The following ADGRV1 variants were observed in gnomAD, a reference collection of about 807,000 sequenced individuals.
ADGRV1 encodes G-protein coupled receptor 98.
A neutral mutation model predicts 596.2 loss-of-function variants in ADGRV1; 359 were observed. The observed-to-expected ratio is 0.60, with a 90% CI of 0.55 to 0.66. The LOEUF (loss-of-function observed/expected upper bound fraction) is 0.66, where lower values mean the gene tolerates loss of function less well. Among genes scored for constraint, ADGRV1 ranks in the 30% least tolerant of loss-of-function variants. The pLI, the probability that ADGRV1 is intolerant of heterozygous loss-of-function variation, is 0.00. For synonymous variants in ADGRV1, 2,681 were observed against 2,679.2 expected (o/e 1.00, Z -0.02); for missense variants, 7,274 against 7,575.6 (o/e 0.96, Z 1.48).
At chr5:91,099,758 A>T (rs1791204175) in intron 86 of ADGRV1, among the ~76,000 whole-genome samples, 1 of 152,196 alleles carries the variant, frequency 6.6e-6, no homozygotes, top group Non-Finnish European at 1.5e-5. Flanking sequence ...AAATATGGAA[A>T]GGGAGAAAAC....
At position 90,896,255 on chromosome 5, in the gene ADGRV1, C is replaced by T. The variant is rs1006918424; in HGVS notation, c.17856+32398C>T. Among the ~76,000 whole-genome samples the T allele has an allele frequency of 5.7e-5, 8 of 140,542 alleles. No individual in the cohort carries two copies. In the South Asian group the frequency reaches 6.8e-4, roughly 12 times the overall value. The allele number at this position is 140,542 out of a possible 152,430, so 92.2% of individuals were successfully genotyped here. ...TTTAAAATAAATAAATCTGATATTA[C>T]GGTGACCAGTGGTTTTTTTTTTTTT... On this transcript the variant is annotated intron_variant, in intron 83 of 89. Transcript: ENST00000405460.
At chr5:91,036,984 G>A (rs1183563175) in intron 85 of ADGRV1, among the ~76,000 whole-genome samples, 2 of 152,176 alleles carry the variant, frequency 1.3e-5, no homozygotes, top group Non-Finnish European at 2.9e-5. Flanking sequence ...TAGCTAATAA[G>A]TTAGCCTGCC....
At chr5:90,972,396 T>C (rs1332543926) in intron 84 of ADGRV1, among the ~76,000 whole-genome samples, 2 of 152,230 alleles carry the variant, frequency 1.3e-5, no homozygotes, top group Non-Finnish European at 2.9e-5. Context: ...CAACAGATTA[T>C]ACATTCTTCT....
chr5:90,851,140 A>T (rs56214112), intron 79 of ADGRV1, among the ~76,000 whole-genome samples: 42,005 of 76,756 alleles, frequency 0.55, 8,080 homozygotes, highest in Non-Finnish European at 0.59. Flanking sequence ...TGTGTGAGAG[A>T]GAGAGAGAGA....
chr5:90,651,682 T>A lies in ADGRV1; in HGVS notation c.3368T>A (p.Leu1123Gln). The change falls in exon 18 of 90, where the codon CTG (leucine) becomes CAG (glutamine). Residue 1123 changes from leucine (L) to glutamine (Q), a missense_variant. This residue lies in a region of ADGRV1 where 1,715 missense variants were observed against 1,708.8 expected (regional missense o/e 1.00). Coordinates refer to ENST00000405460, the MANE Select transcript of ADGRV1 (RefSeq NM_032119.4). Reference protein sequence around the residue: ...ANDDPNGIFSLEPIDKAVEEG... With the variant: ...ANDDPNGIFSQEPIDKAVEEG... Reference sequence around the variant, plus strand: ...GATGACCCAAATGGCATTTTTTCTCTGGAGCCCATAGACAAAGCAGTGGAA... The same window carrying A: ...GATGACCCAAATGGCATTTTTTCTCAGGAGCCCATAGACAAAGCAGTGGAA... 1 of 1,612,952 alleles carries A rather than the reference T, an allele frequency of 6.2e-7. No homozygotes were observed. The highest frequency in any genetic ancestry group is 8.5e-7 in the Non-Finnish European group (1 of 1,179,242).
chr5:90,775,042 T>G (rs957180907), intron 60 of ADGRV1, among the ~76,000 whole-genome samples: 3 of 152,180 alleles, frequency 2.0e-5, no homozygotes, highest in Admixed American at 2.0e-4. Flanking sequence ...ATGATTTGTT[T>G]TTTGGATCCA....
intron 83 of ADGRV1, among the ~76,000 whole-genome samples, chr5:90,883,930 C>T (rs1048464610): frequency 1.3e-5 from 2 of 152,096 alleles, no homozygotes; most frequent in Middle Eastern, 3.2e-3. Context: ...TTGCATGTAG[C>T]CCTTAGTTTG....
At position 90,644,804 on chromosome 5, in the gene ADGRV1, G is replaced by T. The variant is rs1327028321; in HGVS notation, c.2833G>T (p.Gly945Trp). The T allele has an allele frequency of 1.2e-6, 2 of 1,611,510 alleles. No individual in the cohort carries two copies. The highest frequency in any genetic ancestry group is 3.3e-4 in the Middle Eastern group (2 of 6,058). The change falls in exon 15 of 90, where the codon GGG becomes TGG. Residue 945 changes from glycine (G) to tryptophan (W), a missense_variant. Transcript: ENST00000405460. The part of the protein sequence containing the change: ...DFTQDVFPVQ[G>W]TVVFGDQEFS... ...TACACAAGATGTATTTCCTGTACAA[G>T]GGACTGTTGTCTTTGGAGATCAGGA...
intron 85 of ADGRV1, among the ~76,000 whole-genome samples, chr5:91,056,459 T>C (rs531490600): frequency 5.9e-5 from 9 of 152,238 alleles, no homozygotes; most frequent in African/African-American, 1.9e-4. Flanking sequence ...GATTGAGAAA[T>C]GGTTCATTGT....
chr5:90,678,168 C>A (rs1744486516), intron 25 of ADGRV1, among the ~76,000 whole-genome samples: 1 of 152,086 alleles, frequency 6.6e-6, no homozygotes, highest in Non-Finnish European at 1.5e-5. Flanking sequence ...CTGGTATATT[C>A]CCATCCTATT....
intron 59 of ADGRV1, among the ~76,000 whole-genome samples, chr5:90,765,429 C>CCACACACACA (rs531033246): frequency 2.2e-5 from 3 of 136,270 alleles, no homozygotes; most frequent in African/African-American, 5.5e-5. Context: ...AAATCACAGA[C>CCACACACACA]CACACACACA....
intron 38 of ADGRV1, among the ~76,000 whole-genome samples, chr5:90,707,364 A>G (rs1441733105): frequency 2.6e-5 from 4 of 152,050 alleles, no homozygotes. Flanking sequence ...AAGCATGAAT[A>G]TTGCAGTTGA....
chr5:90,721,106 T>C, intron 45 of ADGRV1, 47 bp downstream of exon 45: 1 of 1,535,004 alleles, frequency 6.5e-7, no homozygotes, highest in Non-Finnish European at 8.9e-7. Context: ...CGAAAAAATA[T>C]TGCATGTATA....
intron 61 of ADGRV1, among the ~76,000 whole-genome samples, chr5:90,777,207 G>A (rs895251692): frequency 1.3e-5 from 2 of 152,014 alleles, no homozygotes; most frequent in African/African-American, 2.4e-5. Flanking sequence ...GTGGAGGGGT[G>A]CTATGTACTT....
chr5:90,559,162 C>T (rs1041608290), intron 1 of ADGRV1, among the ~76,000 whole-genome samples: 3 of 152,122 alleles, frequency 2.0e-5, no homozygotes, highest in Admixed American at 6.5e-5. Flanking sequence ...ACCCCCTACC[C>T]GCCCTTTCCA....
intron 4 of ADGRV1, 144 bp from the exon 5 acceptor site, chr5:90,622,453 T>C (rs773233321): frequency 9.7e-6 from 4 of 412,882 alleles, no homozygotes; most frequent in Non-Finnish European, 1.8e-5. Flanking sequence ...TATAGTTCAT[T>C]GATGCTAGGA....
intron 85 of ADGRV1, among the ~76,000 whole-genome samples, chr5:91,048,290 A>T (rs577722096): frequency 1.9e-4 from 29 of 152,350 alleles, no homozygotes; most frequent in African/African-American, 6.5e-4. Context: ...GCCCTTCCAG[A>T]AGGTTCTATC....
Position 90,829,064 on chromosome 5 carries a change from C to G in ADGRV1, c.16489C>G (p.Leu5497Val). The change falls in exon 77 of 90, where the codon CTT becomes GTT. Residue 5497 changes from leucine (L) to valine (V), a missense_variant. By Grantham distance (32) the Leu-to-Val change is conservative. Transcript: ENST00000405460. ...KILESDESQS[L>V]VYFSVGSRLA... is the part of the protein sequence containing the mutation. ...CTTAGAAAGTGATGAATCTCAAAGC[C>G]TTGTGTATTTTTCTGTGGGTTCTCG... The G allele has an allele frequency of 1.2e-6, 2 of 1,612,442 alleles. No individual in the cohort carries two copies. The highest frequency in any genetic ancestry group is 8.5e-7 in the Non-Finnish European group (1 of 1,178,992).
intron 78 of ADGRV1, 65 bp from the exon 79 acceptor site, chr5:90,848,572 T>C: frequency 1.2e-6 from 1 of 824,984 alleles, no homozygotes; most frequent in Non-Finnish European, 1.7e-6. Flanking sequence ...CACATATATG[T>C]ATAGCATATA....
Sources: allele counts gnomAD v4.1 joint callset (sites outside exome capture counted in the v4.1 genomes callset), GRCh38; gene constraint gnomAD v4.1.1; regional missense constraint gnomAD v4.1.1; transcripts MANE v1.5; gene names NCBI Gene and HGNC (gene_info 2026-07-23, HGNC 2026-07-21).